Variants in PLCG2 observed in about 807,000 individuals in gnomAD.
PLCG2 encodes the protein phospholipase C gamma 2, also known as 1-phosphatidylinositol 4,5-bisphosphate phosphodiesterase gamma-2.
A neutral mutation model predicts 175.6 loss-of-function variants in PLCG2; 69 were observed. That is an observed-to-expected ratio of 0.39 (90% CI 0.32 to 0.48). PLCG2 has a LOEUF of 0.48. Among genes scored for constraint, PLCG2 ranks in the 20% least tolerant of loss-of-function variants. The pLI, the probability that PLCG2 is intolerant of heterozygous loss-of-function variation, is 0.91. For missense variants in PLCG2, 1,798 were observed against 1,650.9 expected (o/e 1.09, Z -1.54); for synonymous variants, 827 against 624.0 (o/e 1.33, Z -4.85).
intron 5 of PLCG2, among the ~76,000 whole-genome samples, chr16:81,861,735 G>C (rs537239761): frequency 6.6e-6 from 1 of 152,168 alleles, no homozygotes; most frequent in Non-Finnish European, 1.5e-5. Flanking sequence ...CTGAGAGAGG[G>C]AGCCACCCTC....
chr16:81,877,366 G>A (rs1427687304), intron 7 of PLCG2, among the ~76,000 whole-genome samples: 1 of 152,184 alleles, frequency 6.6e-6, no homozygotes, highest in East Asian at 1.9e-4. Flanking sequence ...TGAGGCAGGA[G>A]AATGGCGTGA....
At chr16:81,886,821 T>G (rs750993564) in intron 9 of PLCG2, among the ~76,000 whole-genome samples, 50 of 152,230 alleles carry the variant, frequency 3.3e-4, no homozygotes, top group Non-Finnish European at 6.5e-4. Context: ...GAGTATAGAG[T>G]CAGTGCTCAG....
intron 30 of PLCG2, among the ~76,000 whole-genome samples, chr16:81,944,065 A>G (rs1187254042): frequency 1.3e-5 from 2 of 152,262 alleles, no homozygotes; most frequent in Admixed American, 6.5e-5. Context: ...ATTAAAAAAT[A>G]TAAATTTGTA....
At chr16:81,902,473 C>G (rs1339756735) in intron 14 of PLCG2, among the ~76,000 whole-genome samples, 1 of 152,110 alleles carries the variant, frequency 6.6e-6, no homozygotes, top group Non-Finnish European at 1.5e-5. Context: ...TCTCTGGGAC[C>G]TCTTTTATTT....
At chr16:81,846,930 T>C (rs562945336) in intron 2 of PLCG2, among the ~76,000 whole-genome samples, 69 of 152,194 alleles carry the variant, frequency 4.5e-4, no homozygotes, top group Non-Finnish European at 8.8e-4. Context: ...CAATTCTCCA[T>C]TGGACACCAG....
intron 25 of PLCG2, among the ~76,000 whole-genome samples, chr16:81,933,128 A>G (rs1311185777): frequency 3.3e-5 from 5 of 152,202 alleles, no homozygotes; most frequent in African/African-American, 1.2e-4. Context: ...TGAGCTGTTC[A>G]AGGTTGCTGT....
chr16:81,946,571 G>C (rs1376853586), intron 31 of PLCG2, among the ~76,000 whole-genome samples: 1 of 152,088 alleles, frequency 6.6e-6, no homozygotes, highest in Non-Finnish European at 1.5e-5. Flanking sequence ...TGCCTTCCTA[G>C]ATAGACTCAT....
chr16:81,759,336 G>T (rs1430831476), intron 2 of PLCG2, among the ~76,000 whole-genome samples: 4 of 152,140 alleles, frequency 2.6e-5, no homozygotes, highest in East Asian at 1.9e-4. Context: ...AATGTATAAA[G>T]AGATGGAAAA....
At chr16:81,787,149 A>G (rs1911006272) in intron 2 of PLCG2, among the ~76,000 whole-genome samples, 1 of 152,186 alleles carries the variant, frequency 6.6e-6, no homozygotes, top group Admixed American at 6.5e-5. Flanking sequence ...AACTCCAGAG[A>G]AGGGCATTTC....
chr16:81,868,010 C>G (rs1018098091), intron 5 of PLCG2, among the ~76,000 whole-genome samples: 1 of 152,152 alleles, frequency 6.6e-6, no homozygotes, highest in South Asian at 2.1e-4. Flanking sequence ...CCCTCGCTTC[C>G]CGCTTCAGCT....
chr16:81,934,351 G>A, intron 25 of PLCG2, 78 bp from the exon 26 acceptor site: 2 of 840,696 alleles, frequency 2.4e-6, no homozygotes, highest in Middle Eastern at 2.3e-4. Context: ...AGTGGGGATG[G>A]AGGAGGAAAA....
At chr16:81,831,556 C>G (rs530006231) in intron 2 of PLCG2, among the ~76,000 whole-genome samples, 2 of 152,302 alleles carry the variant, frequency 1.3e-5, no homozygotes, top group Admixed American at 1.3e-4. Flanking sequence ...TCATCCAACC[C>G]CATACTCCAG....
At chr16:81,891,442 T>C in intron 10 of PLCG2, 30 bp from the exon 11 acceptor site, 2 of 1,192,810 alleles carry the variant, frequency 1.7e-6, no homozygotes, top group Non-Finnish European at 2.5e-6. Flanking sequence ...GTCAACGTGA[T>C]GATTCGGTCT....
At chr16:81,779,104 C>T (rs1910600662), upstream of PLCG2, among the ~76,000 whole-genome samples, 2 of 152,210 alleles carry the variant, frequency 1.3e-5, no homozygotes, top group African/African-American at 4.8e-5. Flanking sequence ...TCTTCTTTGG[C>T]ACGCAGAGGC....
intron 20 of PLCG2, among the ~76,000 whole-genome samples, chr16:81,920,134 G>C (rs145929773): frequency 1.7e-3 from 263 of 152,302 alleles, no homozygotes; most frequent in African/African-American, 5.9e-3. Context: ...GGTGGGGGTA[G>C]AGCTAAATAA....
chr16:81,840,570 A>G lies in PLCG2; in HGVS notation c.194-13874A>G, dbSNP rs1905768452. Reference sequence around the variant, plus strand: ...GGGAGACAGTGACAGATCATCAGGCATTAGATTCTCATAAAGAGTGTACAA... The same window carrying G: ...GGGAGACAGTGACAGATCATCAGGCGTTAGATTCTCATAAAGAGTGTACAA... On this transcript the variant is annotated intron_variant, in intron 2 of 32. Transcript: ENST00000564138. Among the ~76,000 whole-genome samples, 4 of 152,294 alleles carry G rather than the reference A, an allele frequency of 2.6e-5. No individual in the cohort carries two copies. The South Asian group carries it at 8.3e-4, about 32-fold the overall frequency.
At chr16:81,837,006 T>A (rs886597568) in intron 2 of PLCG2, among the ~76,000 whole-genome samples, 14 of 152,202 alleles carry the variant, frequency 9.2e-5, no homozygotes, top group African/African-American at 3.1e-4. Flanking sequence ...AGTAGGAAGT[T>A]GAGGACCAGC....
intron 31 of PLCG2, among the ~76,000 whole-genome samples, chr16:81,949,520 C>T (rs988933590): frequency 3.9e-5 from 6 of 152,156 alleles, no homozygotes; most frequent in Non-Finnish European, 7.3e-5. Context: ...CAGCCCCCGA[C>T]ATGTCAAGGA....
At position 81,872,473 on chromosome 16, in the gene PLCG2, A is replaced by T. The variant is rs150959738; in HGVS notation, c.648+1538A>T. Among the ~76,000 whole-genome samples, 1,339 of 152,306 alleles carry T rather than the reference A, an allele frequency of 8.8e-3. 11 individuals are homozygous for T. Among genetic ancestry groups the T allele is most frequent in the Middle Eastern group, 0.041 (12 of 294 alleles). On this transcript the variant is annotated intron_variant, in intron 7 of 32. Coordinates refer to ENST00000564138, the MANE Select transcript of PLCG2 (RefSeq NM_002661.5). ...GGGGTTGGGAAGATAGGCAGGAAGGATAGTTACCTTTTCTTTGCACAGCTC... is the reference window on the plus strand; with the variant it reads ...GGGGTTGGGAAGATAGGCAGGAAGGTTAGTTACCTTTTCTTTGCACAGCTC...
Sources: gnomAD v4.1 joint callset for allele counts (sites outside exome capture counted in the v4.1 genomes callset) on GRCh38, gnomAD v4.1.1 for gene constraint, MANE v1.5 for transcripts, NCBI Gene and HGNC (gene_info 2026-07-23, HGNC 2026-07-21) for gene names.